GLUL: variants seen among roughly 807,000 people sequenced by gnomAD.
The protein encoded by GLUL is glutamate-ammonia ligase, also known as glutamine synthetase.
In GLUL, 8 loss-of-function variants were observed where a neutral mutation model predicts 36.9. That is an observed-to-expected ratio of 0.22 (90% CI 0.13 to 0.39). The LOEUF (loss-of-function observed/expected upper bound fraction) is 0.39. Among genes scored for constraint, GLUL ranks in the 10% least tolerant of loss-of-function variants. GLUL has a pLI of 1.00. For synonymous variants in GLUL, 182 were observed against 172.8 expected (o/e 1.05, Z -0.42); for missense variants, 315 against 501.8 (o/e 0.63, Z 3.56).
chr1:182,385,182 G>A, intron 6 of GLUL, 175 bp downstream of exon 6: 1 of 627,232 alleles, frequency 1.6e-6, no homozygotes, highest in Admixed American at 2.6e-5. Flanking sequence ...ATGAGAGAAT[G>A]TGAAGGCAAG....
In GLUL at chr1:182,378,208, C is replaced by T. The variant is rs896432502; in HGVS notation, c.*6197G>A. ...TAACTAATAGATCTGCTGACTACGC[C>T]GTACAGTGGAGGAAACACGCTGCAA... On this transcript the variant is annotated 3_prime_UTR_variant, in exon 7 of 7. Coordinates refer to ENST00000331872, the MANE Select transcript of GLUL (RefSeq NM_001033044.4). 2.0e-5 allele frequency among the ~76,000 whole-genome samples: 3 copies of T among 152,078 alleles called. No individual in the cohort carries two copies. Among genetic ancestry groups the T allele is most frequent in the Admixed American group, 6.6e-5 (1 of 15,254 alleles).
rs1417716206 is a variant in GLUL at position 182,381,203 on chromosome 1, G to T, written c.*3202C>A. Among the ~76,000 whole-genome samples, 1 of 152,234 alleles carries T rather than the reference G, an allele frequency of 6.6e-6. No homozygotes were observed. The highest frequency in any genetic ancestry group is 1.5e-5 in the Non-Finnish European group (1 of 68,048). ...AATCGCTTGAATCTGGGAGGCAGAA[G>T]TTGCAGTGAGCCAAGATTGCGCCAC... On this transcript the variant is annotated 3_prime_UTR_variant, in exon 7 of 7. Transcript: ENST00000331872.
rs1650152391 is a variant in GLUL, at chr1:182,385,799, G to A, written c.564C>T (p.Val188=). 6.2e-7 allele frequency: 1 copy of A among 1,613,992 alleles called. No individual in the cohort carries two copies. The highest frequency in any genetic ancestry group is 1.7e-5 in the Admixed American group (1 of 60,000). Residue 188 remains valine (V), a synonymous_variant, in exon 5 of 7, where the codon GTC becomes GTT. Coordinates refer to ENST00000331872, the MANE Select transcript of GLUL (RefSeq NM_001033044.4). The part of the protein sequence containing the change: ...AHYRACLYAG[V]KIAGTNAEVM... ...CCTCGGCATTAGTCCCCGCAATCTT[G>A]ACTCCAGCATACAAGCAGGCCCGGT...
At chr1:182,386,698 C>G (rs1201503100) in intron 3 of GLUL, 1 of 497,332 alleles carries the variant, frequency 2.0e-6, no homozygotes, top group Admixed American at 3.2e-5. Context: ...GCATTCTGGC[C>G]ACCTCCCAAG....
In GLUL at chr1:182,381,943, G is replaced by GT. The variant is rs1649944679; in HGVS notation, c.*2461dup. The GT allele has an allele frequency of 6.6e-6, 1 of 152,126 alleles. No homozygotes were observed. Among genetic ancestry groups the GT allele is most frequent in the African/African-American group, 2.4e-5 (1 of 41,408 alleles). The allele number at this position is 152,126 out of a possible 1,614,324, so 9.4% of individuals were successfully genotyped here. On this transcript the variant is annotated 3_prime_UTR_variant, in exon 7 of 7. Transcript: ENST00000331872. ...TAGGACCACGCCAGCAAGCTAATAG[G>GT]TAGATGACTCTACTTTGAATATTAA...
intron 1 of GLUL, chr1:182,389,087 G>A (rs1650301072): frequency 2.8e-6 from 1 of 355,838 alleles, no homozygotes. Context: ...AGCTACTGCA[G>A]AACCCAGGCT....
At chr1:182,388,177 G>A (rs1313499793) in intron 2 of GLUL, among the ~76,000 whole-genome samples, 2 of 152,154 alleles carry the variant, frequency 1.3e-5, no homozygotes, top group East Asian at 3.9e-4. Context: ...CCAGTGATAT[G>A]AGTATTAAAC....
In GLUL at chr1:182,385,215, A is replaced by G. The variant is rs964744978; in HGVS notation, c.803+142T>C. ...AAGTGTCAACACCTAAAGTACGTCC[A>G]GACTGAGAAGTCAAGTTTACTCATC... On this transcript the variant is annotated intron_variant, in intron 6 of 6. Transcript: ENST00000331872. The G allele has an allele frequency of 5.6e-6, 4 of 710,794 alleles. No individual in the cohort carries two copies. The African/African-American group carries it at 7.0e-5, about 12-fold the overall frequency. The allele number at this position is 710,794 out of a possible 1,614,324, so 44.0% of individuals were successfully genotyped here. A position where few individuals can be genotyped will look rare whatever the true frequency, so the allele number is the denominator to read the frequency against.
intron 4 of GLUL, 127 bp downstream of exon 4, chr1:182,386,129 G>A (rs1650170487): frequency 2.0e-6 from 2 of 996,224 alleles, no homozygotes; most frequent in African/African-American, 1.6e-5. Flanking sequence ...GGTGATGTGA[G>A]GGCTGTTTCG....
chr1:182,378,608 A>T lies in GLUL; in HGVS notation c.*5797T>A, dbSNP rs1649815514. 6.6e-6 allele frequency among the ~76,000 whole-genome samples: 1 copy of T among 152,244 alleles called. No homozygotes were observed. Among genetic ancestry groups the T allele is most frequent in the African/African-American group, 2.4e-5 (1 of 41,546 alleles). ...CTTGTGTACTGTTTCTGGAACATAT[A>T]TTACTAAATTCCTGTCTCCTTTACA... On this transcript the variant is annotated 3_prime_UTR_variant, in exon 7 of 7. Transcript: ENST00000331872.
intron 6 of GLUL, 106 bp downstream of exon 6, chr1:182,385,251 A>G (rs1650121618): frequency 1.1e-6 from 1 of 875,814 alleles, no homozygotes; most frequent in Non-Finnish European, 1.9e-6. Flanking sequence ...TTTGGCAAAT[A>G]TTTGCAAGTC....
In GLUL at chr1:182,380,662, G is replaced by C. The variant is rs758895329; in HGVS notation, c.*3743C>G. 1.3e-5 allele frequency among the ~76,000 whole-genome samples: 2 copies of C among 152,138 alleles called. No homozygotes were observed. The highest frequency in any genetic ancestry group is 2.9e-5 in the Non-Finnish European group (2 of 68,002). ...CTGTCATGGCCAGAGTTAAAATACA[G>C]TCAAACAACAAAGACCTCATAGAGT... On this transcript the variant is annotated 3_prime_UTR_variant, in exon 7 of 7. Coordinates refer to ENST00000331872, the MANE Select transcript of GLUL (RefSeq NM_001033044.4).
At position 182,379,887 on chromosome 1, in the gene GLUL, C is replaced by G. The variant is rs923363353; in HGVS notation, c.*4518G>C. 1.3e-5 allele frequency among the ~76,000 whole-genome samples: 2 copies of G among 150,696 alleles called. No individual in the cohort carries two copies. Among genetic ancestry groups the G allele is most frequent in the East Asian group, 3.9e-4 (2 of 5,106 alleles). ...GAGATGGAGTTTCCCTCTTGTTGCC[C>G]AGGCTGGAGTACAATGTTGCAATCT... is the stretch of plus-strand genomic sequence containing the variant. On this transcript the variant is annotated 3_prime_UTR_variant, in exon 7 of 7. Transcript: ENST00000331872.
At chr1:182,389,227 CA>C (rs1650308964) in intron 1 of GLUL, 1 of 176,834 alleles carries the variant, frequency 5.7e-6, no homozygotes, top group South Asian at 1.1e-4. Flanking sequence ...ATTTACAAAA[CA>C]TAGAACTTCT....
intron 5 of GLUL, 53 bp downstream of exon 5, chr1:182,385,707 T>G: frequency 6.2e-7 from 1 of 1,608,070 alleles, no homozygotes; most frequent in East Asian, 2.2e-5. Context: ...CTAGCAAAAG[T>G]CCTATGTACA....
intron 1 of GLUL, chr1:182,390,706 G>C (rs1199423892): frequency 2.5e-6 from 1 of 398,982 alleles, no homozygotes; most frequent in Admixed American, 4.4e-5. Flanking sequence ...TCTTAATCTT[G>C]ACTCGAGATC....
chr1:182,390,842 G>T, intron 1 of GLUL: 3 of 399,232 alleles, frequency 7.5e-6, no homozygotes, highest in Non-Finnish European at 1.3e-5. Flanking sequence ...GCGGCTGGGG[G>T]AGGATCCCCG....
Position 182,388,770 on chromosome 1 carries a change from T to G in GLUL, c.-13-20A>C. The G allele has an allele frequency of 6.3e-7, 1 of 1,582,758 alleles. No individual in the cohort carries two copies. The highest frequency in any genetic ancestry group is 8.7e-7 in the Non-Finnish European group (1 of 1,151,704). On this transcript the variant is annotated intron_variant, in intron 1 of 6. Transcript: ENST00000331872. ...GGTGTTCTGGAGAAGAAAAAAAGAA[T>G]AACATTGTTAACGCCCACTCCAAAC... is the stretch of plus-strand genomic sequence containing the variant.
chr1:182,390,479 C>A, intron 1 of GLUL: 1 of 399,122 alleles, frequency 2.5e-6, no homozygotes, highest in South Asian at 1.3e-4. Flanking sequence ...GGGTCGTCCT[C>A]CCTGCCCCCT....
Sources: gnomAD v4.1 joint callset for allele counts (sites outside exome capture counted in the v4.1 genomes callset) on GRCh38, gnomAD v4.1.1 for gene constraint, MANE v1.5 for transcripts, NCBI Gene and HGNC (gene_info 2026-07-23, HGNC 2026-07-21) for gene names.